Variants in PARP8 observed in about 807,000 individuals in gnomAD.
PARP8 encodes poly(ADP-ribose) polymerase family member 8.
PARP8 carries 51 observed loss-of-function variants against 124.1 expected under a neutral mutation model. The ratio of observed to expected loss-of-function variants is 0.41; its 90% CI spans 0.33 to 0.52. The LOEUF is 0.52. PARP8 is among the 20% of genes least tolerant of loss of function. The pLI is 0.21. For missense variants in PARP8, 860 were observed against 1,018.9 expected (o/e 0.84, Z 2.12); for synonymous variants, 391 against 361.5 (o/e 1.08, Z -0.93).
intron 17 of PARP8, 45 bp from the exon 18 acceptor site, chr5:50,824,863 A>T: frequency 6.5e-7 from 1 of 1,534,726 alleles, no homozygotes; most frequent in Non-Finnish European, 9.0e-7. Flanking sequence ...AAACGGAAAA[A>T]TGAATTTTTA....
intron 2 of PARP8, among the ~76,000 whole-genome samples, chr5:50,672,509 A>C (rs1750143421): frequency 1.3e-5 from 2 of 152,200 alleles, no homozygotes; most frequent in Admixed American, 1.3e-4. Context: ...TTTCATACGA[A>C]TCCAGTGTGA....
chr5:50,750,304 A>G, intron 3 of PARP8, 116 bp downstream of exon 3: 1 of 841,278 alleles, frequency 1.2e-6, no homozygotes, highest in Non-Finnish European at 1.9e-6. Flanking sequence ...CTGGTAGAGG[A>G]AGCCTTAAAG....
intron 7 of PARP8, among the ~76,000 whole-genome samples, chr5:50,770,535 GAGAA>G (rs776156849): frequency 3.3e-5 from 5 of 150,638 alleles, no homozygotes; most frequent in African/African-American, 4.9e-5. Flanking sequence ...AAAGAAAAGA[GAGAA>G]AGAGAGAGAG....
Position 50,816,759 on chromosome 5 carries a change from A to G in PARP8, c.1668+1235A>G, listed in dbSNP as rs140034821. The stretch of plus-strand genomic sequence containing the variant: ...CATATTAACGGTTCTGAGCATCCCT[A>G]TAACTAAGAAAATAGCTAGCCTATA... On this transcript the variant is annotated intron_variant, in intron 15 of 25. Transcript: ENST00000281631. Among the ~76,000 whole-genome samples, 127 of 152,276 alleles carry G rather than the reference A, an allele frequency of 8.3e-4. No homozygotes were observed. In the East Asian group the frequency reaches 0.018, roughly 21 times the overall value.
rs1252340901 is a variant in PARP8, at chr5:50,844,878, A to C, written c.*2810A>C. 5 of 151,746 alleles carry C rather than the reference A, an allele frequency of 3.3e-5. No homozygotes were observed. The highest frequency in any genetic ancestry group is 3.3e-4 in the Admixed American group (5 of 15,186). The allele number at this position is 151,746 out of a possible 1,614,324, so 9.4% of individuals were successfully genotyped here. ...AATAATATACAAATAATCTAGTGCT[A>C]TAAAATGCATTATAGTAAGACACTT... On this transcript the variant is annotated 3_prime_UTR_variant, in exon 26 of 26. Transcript: ENST00000281631.
intron 9 of PARP8, among the ~76,000 whole-genome samples, chr5:50,781,171 C>G (rs1008269671): frequency 3.7e-4 from 56 of 152,270 alleles, no homozygotes; most frequent in Admixed American, 2.0e-4. Context: ...TTCTGCTCCA[C>G]TGAGTGAATT....
Position 50,796,209 on chromosome 5 carries a change from G to A in PARP8, c.1429-773G>A, listed in dbSNP as rs148179774. On this transcript the variant is annotated intron_variant, in intron 12 of 25. Coordinates refer to ENST00000281631, the MANE Select transcript of PARP8 (RefSeq NM_024615.4). ...AAATATATATGTGTGTATGTTGGGG[G>A]TGTGTGTTTAGCTCTAACCATTAAT... 1.1e-3 allele frequency among the ~76,000 whole-genome samples: 164 copies of A among 152,204 alleles called. 2 individuals are homozygous for A. The highest frequency in any genetic ancestry group is 3.6e-3 in the African/African-American group (148 of 41,540).
At chr5:50,814,113 G>A (rs141097535) in intron 14 of PARP8, among the ~76,000 whole-genome samples, 4 of 152,156 alleles carry the variant, frequency 2.6e-5, no homozygotes, top group East Asian at 1.9e-4. Flanking sequence ...TCTTGTTTAT[G>A]TACTGTTTCA....
At chr5:50,753,205 G>T (rs1312202810) in intron 3 of PARP8, among the ~76,000 whole-genome samples, 1 of 151,846 alleles carries the variant, frequency 6.6e-6, no homozygotes. Flanking sequence ...TACTATAATG[G>T]CAGAGTTCTT....
rs373353427 is a variant in PARP8, at chr5:50,794,382, A to T, written c.863+50A>T. The T allele has an allele frequency of 5.7e-5, 90 of 1,590,380 alleles. No individual in the cohort carries two copies. The African/African-American group carries it at 9.7e-4, about 17-fold the overall frequency. On this transcript the variant is annotated intron_variant, in intron 11 of 25. Coordinates refer to ENST00000281631, the MANE Select transcript of PARP8 (RefSeq NM_024615.4). Reference sequence around the variant, plus strand: ...TGTCTTACTGAATGCTGAGTGTGTGATGTAGTTCATGCTTACAGCATTCTT... The same window carrying T: ...TGTCTTACTGAATGCTGAGTGTGTGTTGTAGTTCATGCTTACAGCATTCTT...
At chr5:50,813,879 A>G (rs1173784995) in intron 14 of PARP8, among the ~76,000 whole-genome samples, 1 of 152,124 alleles carries the variant, frequency 6.6e-6, no homozygotes, top group African/African-American at 2.4e-5. Context: ...ATGTTCACAA[A>G]GTAAGCATAG....
chr5:50,805,058 CAA>C (rs756797461), intron 14 of PARP8, among the ~76,000 whole-genome samples: 2 of 151,940 alleles, frequency 1.3e-5, no homozygotes, highest in Non-Finnish European at 2.9e-5. Context: ...TCCAGAATAC[CAA>C]AAGAGTTGAC....
At chr5:50,763,071 G>T (rs1481709409) in intron 6 of PARP8, 77 bp from the exon 7 acceptor site, 2 of 1,062,472 alleles carry the variant, frequency 1.9e-6, no homozygotes, top group Non-Finnish European at 2.9e-6. Context: ...TGCACAGGGA[G>T]ACCTGTCTCA....
At chr5:50,695,098 G>C (rs1752886279) in intron 2 of PARP8, among the ~76,000 whole-genome samples, 1 of 152,008 alleles carries the variant, frequency 6.6e-6, no homozygotes. Context: ...ATCTCCTTTG[G>C]CAACCCCCTC....
chr5:50,689,952 G>A (rs1420038848), intron 2 of PARP8, among the ~76,000 whole-genome samples: 1 of 152,174 alleles, frequency 6.6e-6, no homozygotes, highest in Non-Finnish European at 1.5e-5. Context: ...TCCATTCTTG[G>A]TTCCTACTCA....
intron 2 of PARP8, among the ~76,000 whole-genome samples, chr5:50,697,916 TGCTGG>T (rs1753200642): frequency 1.3e-5 from 2 of 152,228 alleles, no homozygotes; most frequent in Admixed American, 6.5e-5. Context: ...ATAACCACTG[TGCTGG>T]TCCAGTGGCA....
intron 16 of PARP8, among the ~76,000 whole-genome samples, 155 bp downstream of exon 16, chr5:50,821,493 A>G (rs995084727): frequency 6.6e-6 from 1 of 152,136 alleles, no homozygotes; most frequent in African/African-American, 2.4e-5. Flanking sequence ...ATTTTTGGGG[A>G]TTCCGACTTA....
At chr5:50,737,471 A>T (rs1215747699) in intron 2 of PARP8, among the ~76,000 whole-genome samples, 2 of 152,182 alleles carry the variant, frequency 1.3e-5, no homozygotes, top group Non-Finnish European at 2.9e-5. Flanking sequence ...ATGCTGTTTT[A>T]AAATGTTTAT....
At chr5:50,768,335 A>C (rs1231137562) in intron 7 of PARP8, among the ~76,000 whole-genome samples, 2 of 152,122 alleles carry the variant, frequency 1.3e-5, no homozygotes, top group African/African-American at 2.4e-5. Context: ...GAAAAAAAAA[A>C]CTTTATACAT....
Sources: gnomAD v4.1 joint callset for allele counts (sites outside exome capture counted in the v4.1 genomes callset) on GRCh38, gnomAD v4.1.1 for gene constraint, MANE v1.5 for transcripts, NCBI Gene and HGNC (gene_info 2026-07-23, HGNC 2026-07-21) for gene names.